Variants in SOX5 observed in about 807,000 individuals in gnomAD.
The protein encoded by SOX5 is transcription factor SOX-5.
In SOX5, 9 loss-of-function variants were observed where a neutral mutation model predicts 92.0. The observed-to-expected ratio is 0.10, with a 90% confidence interval of 0.06 to 0.17. The LOEUF (loss-of-function observed/expected upper bound fraction) is 0.17, where lower values mean the gene tolerates loss of function less well. Among genes scored for constraint, SOX5 ranks in the 10% least tolerant of loss-of-function variants. SOX5 has a pLI of 1.00. For missense variants in SOX5, 642 were observed against 944.5 expected (o/e 0.68, Z 4.20); for synonymous variants, 344 against 336.3 (o/e 1.02, Z -0.25).
intron 9 of SOX5, among the ~76,000 whole-genome samples, chr12:23,593,863 GGA>G (rs200042978): frequency 1.3e-5 from 2 of 150,826 alleles, no homozygotes; most frequent in Admixed American, 6.6e-5. Context: ...AGAGAAAAAA[GGA>G]GAGAGAGAGA....
chr12:24,553,425 C>T (rs74070950), intron 1 of SOX5, among the ~76,000 whole-genome samples: 242 of 152,270 alleles, frequency 1.6e-3, no homozygotes, highest in African/African-American at 5.4e-3. Flanking sequence ...AAGAGCTGTT[C>T]GTTTTCCTAC....
chr12:23,980,087 T>TTATGGGCATGAATTCGTTATCTTCG (rs1949428914), intron 4 of SOX5, among the ~76,000 whole-genome samples: 1 of 151,954 alleles, frequency 6.6e-6, no homozygotes, highest in African/African-American at 2.4e-5. Flanking sequence ...AGTGCGGAGA[T>TTATGGGCATGAATTCGTTATCTTCG]TATGGGCATG....
intron 4 of SOX5, among the ~76,000 whole-genome samples, chr12:24,143,907 AATAAT>A (rs1312692702): frequency 2.6e-5 from 4 of 151,822 alleles, no homozygotes; most frequent in Non-Finnish European, 5.9e-5. Flanking sequence ...GAGGAGGAGA[AATAAT>A]AATAATGACT....
intron 10 of SOX5, among the ~76,000 whole-genome samples, chr12:23,573,768 G>A (rs1565940667): frequency 6.6e-6 from 1 of 152,108 alleles, no homozygotes; most frequent in Non-Finnish European, 1.5e-5. Context: ...GATATAAACT[G>A]TGCCTTTTTC....
At chr12:23,659,579 T>A (rs1441806319) in intron 7 of SOX5, among the ~76,000 whole-genome samples, 1 of 152,220 alleles carries the variant, frequency 6.6e-6, no homozygotes, top group Non-Finnish European at 1.5e-5. Context: ...TTTCTAGTTT[T>A]ATACAGCCAA....
chr12:23,621,882 C>G (rs10842193), intron 8 of SOX5, among the ~76,000 whole-genome samples: 18,183 of 152,128 alleles, frequency 0.12, 1,439 homozygotes, highest in East Asian at 0.26. Flanking sequence ...ATTTTCCCTT[C>G]CTACTCCAAA....
At chr12:23,859,754 C>T (rs752901187) in intron 2 of SOX5, among the ~76,000 whole-genome samples, 2 of 152,084 alleles carry the variant, frequency 1.3e-5, no homozygotes, top group African/African-American at 2.4e-5. Context: ...CCCTGGAGGC[C>T]GAGCTGTAAA....
chr12:24,307,314 A>G (rs1367843382), intron 2 of SOX5, among the ~76,000 whole-genome samples: 1 of 118,946 alleles, frequency 8.4e-6, no homozygotes, highest in Admixed American at 8.1e-5. Flanking sequence ...GAAAATATAG[A>G]CTGTCTTTTT....
chr12:24,253,454 A>G (rs1307197691), intron 3 of SOX5, among the ~76,000 whole-genome samples: 3 of 152,094 alleles, frequency 2.0e-5, no homozygotes, highest in Non-Finnish European at 2.9e-5. Flanking sequence ...ATTGATCCTT[A>G]TTCATCTTTG....
chr12:24,523,970 CAT>C (rs1413346258), intron 1 of SOX5, among the ~76,000 whole-genome samples: 1 of 152,170 alleles, frequency 6.6e-6, no homozygotes, highest in Non-Finnish European at 1.5e-5. Flanking sequence ...AATGAGAAAA[CAT>C]ATTTGCAAAC....
rs181556180 is a variant in SOX5 at position 24,491,722 on chromosome 12, T to G, written c.-251+70607A>C. On this transcript the variant is annotated intron_variant, in intron 1 of 4. Coordinates refer to the SOX5 transcript ENST00000446891. Reference sequence around the variant, plus strand: ...TTCACATTTGAAATCCAAGACTATCTACTGCACTTAACCAGTGCACCAAAA... The same window carrying G: ...TTCACATTTGAAATCCAAGACTATCGACTGCACTTAACCAGTGCACCAAAA... Among the ~76,000 whole-genome samples, 71 of 152,292 alleles carry G rather than the reference T, an allele frequency of 4.7e-4. No individual in the cohort carries two copies. In the East Asian group the frequency reaches 0.011, roughly 23 times the overall value.
intron 4 of SOX5, among the ~76,000 whole-genome samples, chr12:24,062,649 C>T (rs897048939): frequency 1.3e-5 from 2 of 152,272 alleles, no homozygotes; most frequent in East Asian, 1.9e-4. Flanking sequence ...TTAGAGCTTG[C>T]CAGTGGGCCA....
At chr12:23,970,250 A>T (rs1430217917) in intron 4 of SOX5, among the ~76,000 whole-genome samples, 1 of 151,828 alleles carries the variant, frequency 6.6e-6, no homozygotes, top group Non-Finnish European at 1.5e-5. Flanking sequence ...TGGTTTTTTA[A>T]CAGTTTTGTT....
intron 3 of SOX5, among the ~76,000 whole-genome samples, chr12:24,242,868 CTTATA>C (rs1937733893): frequency 1.3e-5 from 2 of 152,046 alleles, no homozygotes; most frequent in South Asian, 2.1e-4. Context: ...AGTAATTTAT[CTTATA>C]TAAGTAACAC....
chr12:24,417,313 T>C (rs1276383032), intron 1 of SOX5, among the ~76,000 whole-genome samples: 1 of 152,206 alleles, frequency 6.6e-6, no homozygotes, highest in African/African-American at 2.4e-5. Flanking sequence ...ACCTAGCACA[T>C]GGAGTTTTTG....
At chr12:24,381,315 G>A (rs887615516) in intron 1 of SOX5, among the ~76,000 whole-genome samples, 1 of 152,146 alleles carries the variant, frequency 6.6e-6, no homozygotes, top group African/African-American at 2.4e-5. Context: ...AAAGTTGATA[G>A]ATTTTAGAAT....
chr12:24,287,804 T>C lies in SOX5; in HGVS notation c.-173-10492A>G, dbSNP rs540762162. On this transcript the variant is annotated intron_variant, in intron 2 of 4. Transcript: ENST00000446891. The stretch of plus-strand genomic sequence containing the variant: ...TGGTAGGTATGACAGGGCTGATCCC[T>C]CTCTTACAAAGAAAAAACTCAGAAA... Among the ~76,000 whole-genome samples the C allele has an allele frequency of 3.3e-5, 5 of 152,028 alleles. No individual in the cohort carries two copies. In the East Asian group the frequency reaches 9.7e-4, roughly 29 times the overall value.
chr12:24,239,748 A>G (rs897776798), intron 3 of SOX5, among the ~76,000 whole-genome samples: 8 of 152,238 alleles, frequency 5.3e-5, no homozygotes, highest in Non-Finnish European at 1.2e-4. Context: ...ACAAGAAAAC[A>G]AAAGTTTTCT....
chr12:23,785,150 T>G (rs1327041481), intron 3 of SOX5, among the ~76,000 whole-genome samples: 1 of 152,228 alleles, frequency 6.6e-6, no homozygotes, highest in Non-Finnish European at 1.5e-5. Flanking sequence ...AGATCACAAC[T>G]GACAAGTGTT....
Sources: gnomAD v4.1 joint callset for allele counts (sites outside exome capture counted in the v4.1 genomes callset) on GRCh38, gnomAD v4.1.1 for gene constraint, MANE v1.5 for transcripts, NCBI Gene and HGNC (gene_info 2026-07-23, HGNC 2026-07-21) for gene names.